The following SIPA1L3 variants were observed in gnomAD, a reference collection of about 807,000 sequenced individuals.
The protein encoded by SIPA1L3 is signal-induced proliferation-associated 1-like protein 3.
SIPA1L3 carries 59 observed loss-of-function variants against 150.1 expected under a neutral mutation model. The ratio of observed to expected loss-of-function variants is 0.39; its 90% confidence interval spans 0.32 to 0.49. The LOEUF (loss-of-function observed/expected upper bound fraction) is 0.49. Ranked by LOEUF, SIPA1L3 falls within the 20% of genes least tolerant of loss-of-function variation. The probability of loss-of-function intolerance (pLI) is 0.86; values close to 1 mark genes in which losing one functional copy is unlikely to be tolerated. For missense variants in SIPA1L3, 2,211 were observed against 2,489.5 expected (o/e 0.89, Z 2.38); for synonymous variants, 1,070 against 1,077.6 (o/e 0.99, Z 0.14).
chr19:38,082,149 C>T lies in SIPA1L3; in HGVS notation c.584C>T (p.Ala195Val), dbSNP rs767266914. 49 of 1,605,756 alleles carry T rather than the reference C, an allele frequency of 3.1e-5. No individual in the cohort carries two copies. The highest frequency in any genetic ancestry group is 4.0e-5 in the Non-Finnish European group (47 of 1,179,526). Residue 195 changes from alanine (A) to valine (V), a missense_variant, in exon 3 of 22, where the codon GCG becomes GTG. Physicochemically the swap from Ala to Val is moderately conservative, Grantham distance 64. Coordinates refer to ENST00000222345, the MANE Select transcript of SIPA1L3 (RefSeq NM_015073.3). Reference sequence around the variant, plus strand: ...CCGCGGGGGGCCCGGCACACGGGGGCGCTGCCCCTCTTCCGCGAGTACGGG... The same window carrying T: ...CCGCGGGGGGCCCGGCACACGGGGGTGCTGCCCCTCTTCCGCGAGTACGGG... ...GEPRGARHTG[A>V]LPLFREYGST...
intron 2 of SIPA1L3, among the ~76,000 whole-genome samples, chr19:38,036,495 C>A (rs573030817): frequency 8.4e-4 from 128 of 152,348 alleles, no homozygotes; most frequent in Middle Eastern, 6.8e-3. Context: ...CATCTGCCCC[C>A]TCAGGAGCAC....
rs548517034 is a variant in SIPA1L3 at position 38,042,635 on chromosome 19, A to G, written c.-311+13479A>G. Among the ~76,000 whole-genome samples the G allele has an allele frequency of 5.9e-5, 9 of 152,336 alleles. No individual in the cohort carries two copies. In the East Asian group the frequency reaches 1.7e-3, roughly 29 times the overall value. ...CAAAGAGCACTTGTTCCAAAATAAA[A>G]TAAAGTGAAAGACCCTGAAATATAG... On this transcript the variant is annotated intron_variant, in intron 2 of 21. Coordinates refer to ENST00000222345, the MANE Select transcript of SIPA1L3 (RefSeq NM_015073.3).
chr19:38,039,659 A>T (rs909357899), intron 2 of SIPA1L3, among the ~76,000 whole-genome samples: 5 of 138,502 alleles, frequency 3.6e-5, no homozygotes, highest in Non-Finnish European at 7.5e-5. Context: ...GCACCACTCT[A>T]CTCCAGCCTG....
chr19:38,081,494 C>T lies in SIPA1L3; in HGVS notation c.-72C>T. The T allele has an allele frequency of 7.0e-7, 1 of 1,426,020 alleles. No homozygotes were observed. The allele number at this position is 1,426,020 out of a possible 1,614,324, so 88.3% of individuals were successfully genotyped here. ...TGGGCCTGGCTGCCCTGAACAATGG[C>T]TGAGGGCTGGGGGACCCCATAGAGT... On this transcript the variant is annotated 5_prime_UTR_variant, in exon 3 of 22. Transcript: ENST00000222345.
intron 2 of SIPA1L3, among the ~76,000 whole-genome samples, chr19:38,052,231 G>A (rs1184345146): frequency 6.6e-6 from 1 of 152,190 alleles, no homozygotes; most frequent in African/African-American, 2.4e-5. Flanking sequence ...CAAGGCAGGT[G>A]TATCTGTTGG....
intron 16 of SIPA1L3, among the ~76,000 whole-genome samples, chr19:38,190,755 G>T (rs192011493): frequency 2.0e-5 from 3 of 152,328 alleles, no homozygotes; most frequent in East Asian, 1.9e-4. Context: ...AAGAATATCA[G>T]TTGAAAAGTA....
chr19:38,110,475 C>A, intron 8 of SIPA1L3, 91 bp downstream of exon 8: 1 of 1,065,544 alleles, frequency 9.4e-7, no homozygotes, highest in Non-Finnish European at 1.4e-6. Context: ...CCCCCCACAC[C>A]TCACGTTGTG....
intron 2 of SIPA1L3, among the ~76,000 whole-genome samples, chr19:38,045,118 CT>C (rs1969024147): frequency 6.6e-6 from 1 of 152,152 alleles, no homozygotes; most frequent in African/African-American, 2.4e-5. Flanking sequence ...TGGCTCACAC[CT>C]GTAATCCCAG....
intron 3 of SIPA1L3, among the ~76,000 whole-genome samples, chr19:38,085,999 A>C (rs1568542564): frequency 6.6e-6 from 1 of 151,964 alleles, no homozygotes; most frequent in Non-Finnish European, 1.5e-5. Flanking sequence ...CTGTCCCCTC[A>C]ACCAAAACAA....
intron 2 of SIPA1L3, among the ~76,000 whole-genome samples, chr19:38,064,564 G>A (rs1969527985): frequency 6.6e-6 from 1 of 152,022 alleles, no homozygotes; most frequent in Admixed American, 6.6e-5. Context: ...GGGCGTGGTG[G>A]TGTGGGTGCC....
At chr19:37,911,898 G>A (rs1568461201) in intron 1 of SIPA1L3, among the ~76,000 whole-genome samples, 1 of 151,438 alleles carries the variant, frequency 6.6e-6, no homozygotes, top group African/African-American at 2.4e-5. Flanking sequence ...GTGAAACCCC[G>A]TCTCTACTAA....
chr19:38,090,538 G>A (rs1362548568), intron 4 of SIPA1L3, among the ~76,000 whole-genome samples: 3 of 152,194 alleles, frequency 2.0e-5, no homozygotes, highest in African/African-American at 7.2e-5. Context: ...TGGAGGAGGA[G>A]GCAGGGCAGA....
intron 18 of SIPA1L3, among the ~76,000 whole-genome samples, chr19:38,194,327 G>A (rs898093798): frequency 5.3e-5 from 8 of 152,200 alleles, no homozygotes; most frequent in Middle Eastern, 3.4e-3. Context: ...GGAGTTGGCC[G>A]TGCCCCAGAT....
intron 1 of SIPA1L3, among the ~76,000 whole-genome samples, chr19:37,987,257 G>A (rs940566920): frequency 6.6e-6 from 1 of 152,184 alleles, no homozygotes; most frequent in African/African-American, 2.4e-5. Context: ...GCTCCCAGGT[G>A]ATGTAGATGA....
chr19:38,078,438 GCACACACACA>G (rs66830496), intron 2 of SIPA1L3, among the ~76,000 whole-genome samples: 193 of 139,004 alleles, frequency 1.4e-3, no homozygotes, highest in African/African-American at 4.7e-3. Flanking sequence ...GCGCATACAT[GCACACACACA>G]CACACACACA....
intron 1 of SIPA1L3, among the ~76,000 whole-genome samples, chr19:37,944,377 C>G (rs1424940821): frequency 6.6e-6 from 1 of 152,024 alleles, no homozygotes; most frequent in African/African-American, 2.4e-5. Context: ...GTGCACACTT[C>G]CAGGTCTTGG....
intron 3 of SIPA1L3, among the ~76,000 whole-genome samples, chr19:38,084,050 A>G (rs569088534): frequency 2.6e-4 from 40 of 152,174 alleles, no homozygotes; most frequent in African/African-American, 9.6e-4. Context: ...ACAGGCTTAA[A>G]CAACATAGAA....
In SIPA1L3 at chr19:37,975,537, C is replaced by T. The variant is rs1967054846; in HGVS notation, c.-378-53552C>T. On this transcript the variant is annotated intron_variant, in intron 1 of 21. Coordinates refer to ENST00000222345, the MANE Select transcript of SIPA1L3 (RefSeq NM_015073.3). ...GATGGGAGTGATATTGGTCATGGTG[C>T]CCATTTCATTGGTGGATGTCACTGG... Among the ~76,000 whole-genome samples, 3 of 152,098 alleles carry T rather than the reference C, an allele frequency of 2.0e-5. No individual in the cohort carries two copies. In the South Asian group the frequency reaches 6.2e-4, roughly 31 times the overall value.
chr19:37,922,543 G>A (rs1264415295), intron 1 of SIPA1L3, among the ~76,000 whole-genome samples: 1 of 151,798 alleles, frequency 6.6e-6, no homozygotes, highest in Non-Finnish European at 1.5e-5. Context: ...ACAGGTACCC[G>A]CCACCGCACC....
Sources: allele counts gnomAD v4.1 joint callset (sites outside exome capture counted in the v4.1 genomes callset), GRCh38; gene constraint gnomAD v4.1.1; transcripts MANE v1.5; gene names NCBI Gene and HGNC (gene_info 2026-07-23, HGNC 2026-07-21).